Variants in ZNF407 observed in about 807,000 individuals in gnomAD.
The protein encoded by ZNF407 is zinc finger protein 407.
A neutral mutation model predicts 131.2 loss-of-function variants in ZNF407; 17 were observed. That is an observed-to-expected ratio of 0.13 (90% CI 0.09 to 0.19). The LOEUF is 0.19. ZNF407 is among the 10% of genes least tolerant of loss of function. The pLI, the probability that ZNF407 is intolerant of heterozygous loss-of-function variation, is 1.00. For missense variants in ZNF407, 2,681 were observed against 2,830.6 expected, an observed-to-expected ratio of 0.95 and a Z score of 1.20; for synonymous variants, 1,156 against 1,062.0, an observed-to-expected ratio of 1.09 and a Z score of -1.72.
intron 4 of ZNF407, among the ~76,000 whole-genome samples, chr18:74,846,417 G>T (rs1005935192): frequency 2.6e-5 from 4 of 151,102 alleles, no homozygotes; most frequent in Admixed American, 2.0e-4. Flanking sequence ...TCGGCTCACT[G>T]CACCCTCTGC....
intron 1 of ZNF407, among the ~76,000 whole-genome samples, chr18:74,616,651 A>G (rs1983300377): frequency 6.6e-6 from 1 of 151,870 alleles, no homozygotes; most frequent in African/African-American, 2.4e-5. Context: ...GGACACCTGT[A>G]TAACCTTCAT....
At chr18:74,721,827 C>T (rs1022557695) in intron 3 of ZNF407, among the ~76,000 whole-genome samples, 1 of 152,074 alleles carries the variant, frequency 6.6e-6, no homozygotes. Context: ...TGAATTTTCT[C>T]CACCTTCTTT....
At chr18:74,700,314 T>TAAC (rs1346116729) in intron 3 of ZNF407, among the ~76,000 whole-genome samples, 40 of 152,340 alleles carry the variant, frequency 2.6e-4, no homozygotes, top group Admixed American at 9.8e-4. Flanking sequence ...CCTAACTAGT[T>TAAC]TACGGTGAGC....
At chr18:74,879,368 G>T (rs1490448166) in intron 5 of ZNF407, among the ~76,000 whole-genome samples, 1 of 152,030 alleles carries the variant, frequency 6.6e-6, no homozygotes, top group African/African-American at 2.4e-5. Context: ...GTGTGGTGCT[G>T]CACACACACT....
chr18:74,748,380 A>G (rs543146682), intron 3 of ZNF407, among the ~76,000 whole-genome samples: 1 of 151,644 alleles, frequency 6.6e-6, no homozygotes, highest in African/African-American at 2.4e-5. Flanking sequence ...CTTGGGTTTT[A>G]CTATTGAGAA....
At chr18:74,942,640 A>G (rs1190938352) in intron 8 of ZNF407, among the ~76,000 whole-genome samples, 3 of 152,156 alleles carry the variant, frequency 2.0e-5, no homozygotes, top group Non-Finnish European at 4.4e-5. Flanking sequence ...GTATGTTTTT[A>G]TAGGGACCTG....
At chr18:74,668,690 G>A (rs948497787) in intron 3 of ZNF407, among the ~76,000 whole-genome samples, 1 of 152,194 alleles carries the variant, frequency 6.6e-6, no homozygotes, top group Non-Finnish European at 1.5e-5. Context: ...ATTTACAGTT[G>A]AAGTAGACAG....
chr18:74,920,535 C>A lies in ZNF407; in HGVS notation c.5271C>A (p.Ile1757=). ...CDYRSNCAEN[I]RKHILHTGKH... ...GTAGGTCAAACTGTGCTGAAAATAT[C>A]CGCAAACACATTCTGCATACTGGCA... Residue 1757 remains isoleucine (I), a synonymous_variant, in exon 8 of 9, where the codon ATC becomes ATA. Transcript: ENST00000299687. The A allele has an allele frequency of 6.3e-7, 1 of 1,583,734 alleles. No homozygotes were observed. The highest frequency in any genetic ancestry group is 8.7e-7 in the Non-Finnish European group (1 of 1,155,796).
intron 3 of ZNF407, among the ~76,000 whole-genome samples, chr18:74,764,826 A>G (rs900709114): frequency 4.6e-5 from 7 of 152,208 alleles, no homozygotes; most frequent in Non-Finnish European, 1.0e-4. Context: ...AATATTGTAT[A>G]TATTACTCTA....
chr18:74,860,071 C>T (rs927262708), intron 4 of ZNF407, among the ~76,000 whole-genome samples: 7 of 152,040 alleles, frequency 4.6e-5, no homozygotes, highest in Non-Finnish European at 7.4e-5. Flanking sequence ...TTTGGGAGAT[C>T]GAGGCTGGAG....
chr18:74,909,349 C>A lies in ZNF407; in HGVS notation c.5250-11165C>A, dbSNP rs544067261. On this transcript the variant is annotated intron_variant, in intron 7 of 8. Transcript: ENST00000299687. ...GGTAGGAAGAAAAAAAGAACAAGTA[C>A]CTACCGTATTACCTGAACATACTTA... is the stretch of plus-strand genomic sequence containing the variant. Among the ~76,000 whole-genome samples the A allele has an allele frequency of 2.1e-3, 316 of 152,100 alleles. 2 individuals carry two copies. The highest frequency in any genetic ancestry group is 6.9e-3 in the African/African-American group (287 of 41,520).
At chr18:74,913,297 C>T (rs1971699272) in intron 7 of ZNF407, among the ~76,000 whole-genome samples, 2 of 152,192 alleles carry the variant, frequency 1.3e-5, no homozygotes, top group Admixed American at 6.5e-5. Flanking sequence ...TGATTGGAAA[C>T]ATCCTAAATG....
At chr18:74,762,621 T>C (rs968846397) in intron 3 of ZNF407, among the ~76,000 whole-genome samples, 1 of 152,152 alleles carries the variant, frequency 6.6e-6, no homozygotes, top group Non-Finnish European at 1.5e-5. Flanking sequence ...ACTGCTGATC[T>C]GCTTTCTGCC....
chr18:74,725,792 A>G (rs1164823914), intron 3 of ZNF407, among the ~76,000 whole-genome samples: 1 of 152,146 alleles, frequency 6.6e-6, no homozygotes, highest in Non-Finnish European at 1.5e-5. Flanking sequence ...ATGTATCTGA[A>G]AGATATTTAT....
chr18:74,964,407 G>A (rs1972385299), intron 8 of ZNF407, among the ~76,000 whole-genome samples: 1 of 152,118 alleles, frequency 6.6e-6, no homozygotes, highest in Non-Finnish European at 1.5e-5. Context: ...AAATCACTAA[G>A]CAAATGAATG....
At chr18:74,997,268 C>G (rs564774517) in intron 8 of ZNF407, among the ~76,000 whole-genome samples, 1 of 152,230 alleles carries the variant, frequency 6.6e-6, no homozygotes, top group South Asian at 2.1e-4. Context: ...CAATTTATAA[C>G]CAGCTACACG....
intron 3 of ZNF407, among the ~76,000 whole-genome samples, chr18:74,764,457 C>T (rs1646989673): frequency 6.6e-6 from 1 of 152,126 alleles, no homozygotes; most frequent in South Asian, 2.1e-4. Context: ...TACAGTCGAT[C>T]CTCTGTATCC....
chr18:74,849,324 C>G (rs923770389), intron 4 of ZNF407, among the ~76,000 whole-genome samples: 1 of 152,106 alleles, frequency 6.6e-6, no homozygotes, highest in African/African-American at 2.4e-5. Context: ...GTGATCCGCC[C>G]GCCTGTGCCT....
At chr18:74,680,222 G>A (rs144208576) in intron 3 of ZNF407, among the ~76,000 whole-genome samples, 8 of 151,816 alleles carry the variant, frequency 5.3e-5, no homozygotes, top group African/African-American at 1.2e-4. Flanking sequence ...GAAACCTCGT[G>A]TCTACAAAAA....
Sources: allele counts gnomAD v4.1 joint callset (sites outside exome capture counted in the v4.1 genomes callset), GRCh38; gene constraint gnomAD v4.1.1; transcripts MANE v1.5; gene names NCBI Gene and HGNC (gene_info 2026-07-23, HGNC 2026-07-21).